The following EXT1 variants were observed in gnomAD, a reference collection of about 807,000 sequenced individuals.
EXT1 encodes the protein exostosin glycosyltransferase 1.
A neutral mutation model predicts 82.5 loss-of-function variants in EXT1; 20 were observed. The observed-to-expected ratio is 0.24, with a 90% CI of 0.17 to 0.35. The LOEUF is 0.35. Among genes scored for constraint, EXT1 ranks in the 10% least tolerant of loss-of-function variants. The pLI, the probability that EXT1 is intolerant of heterozygous loss-of-function variation, is 1.00. For missense variants in EXT1, 757 were observed against 936.5 expected (o/e 0.81, Z 2.50); for synonymous variants, 348 against 350.8 (o/e 0.99, Z 0.09).
chr8:117,998,509 C>T (rs2129804367), intron 1 of EXT1, among the ~76,000 whole-genome samples: 1 of 152,042 alleles, frequency 6.6e-6, no homozygotes, highest in East Asian at 1.9e-4. Flanking sequence ...ACAAGGTCTC[C>T]AACTCTTGAC....
At chr8:117,821,011 A>C (rs1472800309) in intron 5 of EXT1, among the ~76,000 whole-genome samples, 2 of 152,212 alleles carry the variant, frequency 1.3e-5, no homozygotes, top group Non-Finnish European at 2.9e-5. Context: ...GAGTTTTCCC[A>C]TAAGAACTCA....
chr8:117,968,544 TA>T (rs1814870121), intron 1 of EXT1, among the ~76,000 whole-genome samples: 1 of 20,740 alleles, frequency 4.8e-5, no homozygotes, highest in Non-Finnish European at 7.1e-5. Context: ...TTTATTTATT[TA>T]TTTATTTATT....
intron 1 of EXT1, among the ~76,000 whole-genome samples, chr8:118,050,379 A>G (rs1044128577): frequency 1.2e-4 from 19 of 152,202 alleles, no homozygotes; most frequent in African/African-American, 4.3e-4. Flanking sequence ...TGGAATAATA[A>G]TGTGTAATAG....
At chr8:117,858,771 AGGC>A (rs1411345983) in intron 1 of EXT1, among the ~76,000 whole-genome samples, 17 of 90,616 alleles carry the variant, frequency 1.9e-4, no homozygotes, top group Non-Finnish European at 3.3e-4. Flanking sequence ...GAAGGAAGGC[AGGC>A]AGGCAGGCAG....
chr8:118,011,176 C>G (rs1396495333), intron 1 of EXT1, among the ~76,000 whole-genome samples: 1 of 152,190 alleles, frequency 6.6e-6, no homozygotes, highest in Non-Finnish European at 1.5e-5. Context: ...ACTACCACAG[C>G]CAAATCCTCT....
intron 1 of EXT1, among the ~76,000 whole-genome samples, chr8:118,049,331 C>A (rs979342921): frequency 5.3e-5 from 8 of 152,154 alleles, no homozygotes; most frequent in Non-Finnish European, 8.8e-5. Flanking sequence ...TATTAGTAAC[C>A]TAAATGTAAC....
chr8:117,910,015 G>GT, intron 1 of EXT1, among the ~76,000 whole-genome samples: 1 of 152,304 alleles, frequency 6.6e-6, no homozygotes, highest in South Asian at 2.1e-4. Context: ...TGGTCCACCC[G>GT]TGCCGGCCTC....
At chr8:117,877,413 T>C (rs1043946091) in intron 1 of EXT1, among the ~76,000 whole-genome samples, 3 of 152,196 alleles carry the variant, frequency 2.0e-5, no homozygotes, top group African/African-American at 7.2e-5. Flanking sequence ...CTGAGACTTG[T>C]TGTCTCCACT....
intron 1 of EXT1, among the ~76,000 whole-genome samples, chr8:117,989,097 A>G (rs915332100): frequency 1.3e-5 from 2 of 150,712 alleles, no homozygotes; most frequent in Non-Finnish European, 3.0e-5. Flanking sequence ...TATTTTAACC[A>G]CAACTCTGTG....
intron 1 of EXT1, among the ~76,000 whole-genome samples, chr8:118,058,010 C>T (rs1014850119): frequency 6.7e-6 from 1 of 150,252 alleles, no homozygotes; most frequent in Admixed American, 6.6e-5. Context: ...AAAAAAAAAT[C>T]GAAAGTGATC....
chr8:117,933,835 G>A (rs756289878), intron 1 of EXT1, among the ~76,000 whole-genome samples: 5 of 152,082 alleles, frequency 3.3e-5, no homozygotes, highest in Non-Finnish European at 5.9e-5. Flanking sequence ...CACATTGCTC[G>A]TCTTAATTGT....
intron 1 of EXT1, among the ~76,000 whole-genome samples, chr8:117,844,160 A>ATTATTATTG (rs1348440895): frequency 6.7e-6 from 1 of 149,120 alleles, no homozygotes; most frequent in Non-Finnish European, 1.5e-5. Flanking sequence ...TATTATTATT[A>ATTATTATTG]TTATTATTTT....
chr8:118,038,626 C>T (rs2129896662), intron 1 of EXT1, among the ~76,000 whole-genome samples: 1 of 152,314 alleles, frequency 6.6e-6, no homozygotes, highest in Non-Finnish European at 1.5e-5. Context: ...ATTTACCAAG[C>T]ACTTGGACCC....
intron 1 of EXT1, among the ~76,000 whole-genome samples, chr8:118,109,770 T>C (rs182476453): frequency 6.6e-6 from 1 of 152,194 alleles, no homozygotes. Flanking sequence ...TGAAATGCAG[T>C]TACTAAACTT....
chr8:117,893,030 T>C (rs1339695756), intron 1 of EXT1, among the ~76,000 whole-genome samples: 2 of 152,266 alleles, frequency 1.3e-5, no homozygotes, highest in Non-Finnish European at 2.9e-5. Flanking sequence ...TTGTGTTTAC[T>C]GTTTCATTTC....
At chr8:118,011,711 G>A (rs1424925573) in intron 1 of EXT1, among the ~76,000 whole-genome samples, 2 of 152,138 alleles carry the variant, frequency 1.3e-5, no homozygotes, top group Non-Finnish European at 2.9e-5. Context: ...CACCCTGATC[G>A]CTCTCTGGCT....
rs1817878624 is a variant in EXT1, at chr8:118,110,529, T to C, written c.518A>G (p.Asn173Ser). 6.2e-7 allele frequency: 1 copy of C among 1,614,184 alleles called. No homozygotes were observed. Among genetic ancestry groups the C allele is most frequent in the Non-Finnish European group, 8.5e-7 (1 of 1,180,034 alleles). The stretch of plus-strand genomic sequence containing the variant: ...GAGACTCTGCACTTTGGATCTCAAA[T>C]TGTGCACATACTGAGGTGACAACTG... ...RDQLSPQYVH[N>S]LRSKVQSLHL... Residue 173 changes from asparagine (N) to serine (S), a missense_variant, in exon 1 of 11, where the codon AAT becomes AGT. Asn to Ser is a conservative substitution (Grantham distance 46, BLOSUM62 1). Around this residue, in one of 4 missense-constraint regions of EXT1, gnomAD observed 247 missense variants for 330.1 expected, o/e 0.75. Coordinates refer to ENST00000378204, the MANE Select transcript of EXT1 (RefSeq NM_000127.3).
chr8:117,892,947 TGA>T (rs1813272181), intron 1 of EXT1, among the ~76,000 whole-genome samples: 6 of 152,208 alleles, frequency 3.9e-5, no homozygotes, highest in African/African-American at 1.4e-4. Context: ...TTGGGGAGGG[TGA>T]AGAGACAGAA....
At chr8:117,955,876 A>G (rs1479450538) in intron 1 of EXT1, among the ~76,000 whole-genome samples, 1 of 152,078 alleles carries the variant, frequency 6.6e-6, no homozygotes, top group African/African-American at 2.4e-5. Context: ...ATTTCTTATC[A>G]TGTCACATTT....
Sources: gnomAD v4.1 joint callset for allele counts (sites outside exome capture counted in the v4.1 genomes callset) on GRCh38, gnomAD v4.1.1 for gene constraint, gnomAD v4.1.1 regional missense constraint, MANE v1.5 for transcripts, NCBI Gene and HGNC (gene_info 2026-07-23, HGNC 2026-07-21) for gene names.